GUF1: variants seen among roughly 807,000 people sequenced by gnomAD.
GUF1 encodes the protein translation factor GUF1, mitochondrial.
GUF1 carries 78 observed loss-of-function variants against 82.4 expected under a neutral mutation model. That is an observed-to-expected ratio of 0.95 (90% confidence interval 0.79 to 1.14). The LOEUF (loss-of-function observed/expected upper bound fraction) is 1.14, where lower values mean the gene tolerates loss of function less well. Among genes scored for constraint, GUF1 ranks in the 50% most tolerant of loss-of-function variants. The probability of loss-of-function intolerance (pLI) is 0.00; values close to 1 mark genes in which losing one functional copy is unlikely to be tolerated. For missense variants in GUF1, 814 were observed against 798.2 expected (o/e 1.02, Z -0.24); for synonymous variants, 279 against 282.3 (o/e 0.99, Z 0.12).
chr4:44,698,599 A>G lies in GUF1; in HGVS notation c.1928A>G (p.Lys643Arg). The stretch of plus-strand genomic sequence containing the variant: ...CTTTTGAAGAGACAAGCAGAAGGGA[A>G]AAAAAAGCTGAGGAAAATTGGCAAC... ...MKLLKRQAEG[K>R]KKLRKIGNVE... The change falls in exon 17 of 17, where the codon AAA (lysine) becomes AGA (arginine). Residue 643 changes from lysine to arginine, a missense_variant. Physicochemically the swap from Lys to Arg is conservative, Grantham distance 26 (BLOSUM62 2). Transcript: ENST00000281543. 6.2e-7 allele frequency: 1 copy of G among 1,611,150 alleles called. No individual in the cohort carries two copies. Among genetic ancestry groups the G allele is most frequent in the South Asian group, 1.1e-5 (1 of 90,126 alleles).
chr4:44,692,970 C>T (rs1262655796), intron 13 of GUF1, among the ~76,000 whole-genome samples: 1 of 151,660 alleles, frequency 6.6e-6, no homozygotes, highest in African/African-American at 2.4e-5. Flanking sequence ...AAAGCCTTGT[C>T]GTTTGGAAAC....
chr4:44,682,502 G>T, intron 5 of GUF1, 91 bp downstream of exon 5: 2 of 589,454 alleles, frequency 3.4e-6, no homozygotes, highest in Non-Finnish European at 2.8e-6. Flanking sequence ...TTATATGAGG[G>T]ATCACCAGCT....
At chr4:44,680,882 A>G (rs771882928) in intron 3 of GUF1, 40 bp downstream of exon 3, 133 of 1,523,644 alleles carry the variant, frequency 8.7e-5, no homozygotes, top group Non-Finnish European at 1.1e-4. Flanking sequence ...GTTAAAGTCA[A>G]CATTGTGTCA....
rs565950469 is a variant in GUF1 at position 44,682,301 on chromosome 4, T to A, written c.508-33T>A. The stretch of plus-strand genomic sequence containing the variant: ...AGTTTTGTGATATATAATAGAATGG[T>A]CATCTCAGTATCTTGTATCTTGATA... On this transcript the variant is annotated intron_variant, in intron 4 of 16. Transcript: ENST00000281543. 3 of 1,205,614 alleles carry A rather than the reference T, an allele frequency of 2.5e-6. No homozygotes were observed. The South Asian group carries it at 5.0e-5, about 20-fold the overall frequency. 74.7% of individuals were successfully genotyped at this position (1,205,614 alleles called of 1,614,324 possible).
intron 6 of GUF1, among the ~76,000 whole-genome samples, chr4:44,685,398 G>C (rs928265517): frequency 2.6e-5 from 4 of 152,082 alleles, no homozygotes; most frequent in Non-Finnish European, 5.9e-5. Context: ...TAGAGTGAAT[G>C]TGAAGAGTAA....
chr4:44,698,597 GA>G lies in GUF1; in HGVS notation c.1934del (p.Lys645SerfsTer2), dbSNP rs770418349. Reference protein sequence around the residue: ...MKLLKRQAEGKKKLRKIGNVE... With the variant: ...MKLLKRQAEGXKKLRKIGNVE... ...AGCTTTTGAAGAGACAAGCAGAAGGGAAAAAAAAGCTGAGGAAAATTGGCAA... is the reference window on the plus strand; with the variant it reads ...AGCTTTTGAAGAGACAAGCAGAAGGGAAAAAAAGCTGAGGAAAATTGGCAA... On this transcript the variant is annotated frameshift_variant, in exon 17 of 17. Transcript: ENST00000281543. LOFTEE classifies it high-confidence loss of function. 6 of 1,607,096 alleles carry G rather than the reference GA, an allele frequency of 3.7e-6. No homozygotes were observed. Among genetic ancestry groups the G allele is most frequent in the South Asian group, 2.2e-5 (2 of 89,708 alleles).
intron 15 of GUF1, among the ~76,000 whole-genome samples, chr4:44,696,263 A>G (rs2109669057): frequency 6.6e-6 from 1 of 152,256 alleles, no homozygotes. Flanking sequence ...AGACAGGCTA[A>G]TTTGTGTCGG....
intron 6 of GUF1, among the ~76,000 whole-genome samples, chr4:44,684,237 T>G (rs1714926853): frequency 6.8e-6 from 1 of 147,052 alleles, no homozygotes; most frequent in Non-Finnish European, 1.5e-5. Flanking sequence ...TGAAAAGTCT[T>G]TTTTCTTAGA....
At chr4:44,697,941 TC>T in intron 16 of GUF1, among the ~76,000 whole-genome samples, 1 of 152,068 alleles carries the variant, frequency 6.6e-6, no homozygotes. Context: ...GGCTAGGAGT[TC>T]CGAGACCAGC....
Position 44,698,623 on chromosome 4 carries a change from A to G in GUF1, c.1952A>G (p.Asn651Ser). The G allele has an allele frequency of 6.2e-7, 1 of 1,610,526 alleles. No homozygotes were observed. The highest frequency in any genetic ancestry group is 8.5e-7 in the Non-Finnish European group (1 of 1,178,870). The change falls in exon 17 of 17, where the codon AAC (asparagine) becomes AGC (serine). Residue 651 changes from asparagine to serine, a missense_variant. Coordinates refer to ENST00000281543, the MANE Select transcript of GUF1 (RefSeq NM_021927.3). ...AAAAAAAAGCTGAGGAAAATTGGCA[A>G]CGTTGAAGTTCCAAAAGATGCTTTT... ...EGKKKLRKIG[N>S]VEVPKDAFIK...
chr4:44,682,527 TTGG>T lies in GUF1; in HGVS notation c.585+120_585+122del, dbSNP rs1207731605. ...GATCACCAGCTATTTATTAAATATA[TTGG>T]TGGGATTTATCTCTTTGAATTGTAT... On this transcript the variant is annotated intron_variant, in intron 5 of 16. Coordinates refer to ENST00000281543, the MANE Select transcript of GUF1 (RefSeq NM_021927.3). The T allele has an allele frequency of 2.3e-5, 12 of 514,420 alleles. 1 individual carries two copies. Among genetic ancestry groups the T allele is most frequent in the Non-Finnish European group, 3.7e-5 (11 of 294,920 alleles). The allele number at this position is 514,420 out of a possible 1,614,324, so 31.9% of individuals were successfully genotyped here.
At chr4:44,688,859 A>AT (rs1715233892) in intron 9 of GUF1, among the ~76,000 whole-genome samples, 2 of 151,992 alleles carry the variant, frequency 1.3e-5, no homozygotes, top group South Asian at 4.1e-4. Context: ...TTTTAAGTAG[A>AT]TAATCTGCCT....
chr4:44,681,059 G>A, intron 3 of GUF1, 64 bp from the exon 4 acceptor site: 1 of 1,366,100 alleles, frequency 7.3e-7, no homozygotes, highest in Non-Finnish European at 1.0e-6. Flanking sequence ...CAATAAATTT[G>A]CCATAATGCT....
chr4:44,686,750 G>A (rs1715081594), intron 8 of GUF1, 37 bp downstream of exon 8: 1 of 1,341,910 alleles, frequency 7.5e-7, no homozygotes, highest in African/African-American at 1.4e-5. Context: ...AAATGCATTT[G>A]TATGTGGTTC....
intron 14 of GUF1, among the ~76,000 whole-genome samples, chr4:44,695,111 T>TA (rs948491151): frequency 1.3e-4 from 20 of 152,154 alleles, no homozygotes; most frequent in African/African-American, 4.3e-4. Context: ...TTTATATTTG[T>TA]AAAAAAATTA....
rs368261691 is a variant in GUF1, at chr4:44,683,694, G to A, written c.669+376G>A. 3.0e-4 allele frequency among the ~76,000 whole-genome samples: 46 copies of A among 152,084 alleles called. 2 individuals are homozygous for A. The South Asian group carries it at 9.3e-3, about 31-fold the overall frequency. On this transcript the variant is annotated intron_variant, in intron 6 of 16. Coordinates refer to ENST00000281543, the MANE Select transcript of GUF1 (RefSeq NM_021927.3). ...AAGAGCAGGTTCAAACTAATTTCAG[G>A]GCTTTTGTATGTATCATTCTTGGAA...
chr4:44,683,320 T>TA lies in GUF1; in HGVS notation c.669+6dup. On this transcript the variant is annotated splice_region_variant and intron_variant, in intron 6 of 16. Transcript: ENST00000281543. ...ATTCCAAGTGATGAATGTATTAAGGTAAAATACGTTCCTAAAAAGATTATA... is the reference window on the plus strand; with the variant it reads ...ATTCCAAGTGATGAATGTATTAAGGTAAAAATACGTTCCTAAAAAGATTATA... 1 of 1,492,524 alleles carries TA rather than the reference T, an allele frequency of 6.7e-7. No homozygotes were observed. The highest frequency in any genetic ancestry group is 9.1e-7 in the Non-Finnish European group (1 of 1,098,280). The allele number at this position is 1,492,524 out of a possible 1,614,324, so 92.5% of individuals were successfully genotyped here.
Position 44,686,721 on chromosome 4 carries a change from A to G in GUF1, c.938+8A>G, listed in dbSNP as rs368845641. ...GCAGCCAACTCATAAATTGTAAGTAATCTGCATTAGTAAAATTAAAATGCA... is the reference window on the plus strand; with the variant it reads ...GCAGCCAACTCATAAATTGTAAGTAGTCTGCATTAGTAAAATTAAAATGCA... On this transcript the variant is annotated splice_region_variant and intron_variant, in intron 8 of 16. Coordinates refer to ENST00000281543, the MANE Select transcript of GUF1 (RefSeq NM_021927.3). 3.3e-5 allele frequency: 52 copies of G among 1,557,764 alleles called. No homozygotes were observed. The African/African-American group carries it at 5.8e-4, about 17-fold the overall frequency.
rs976143386 is a variant in GUF1, at chr4:44,678,422, A to G, written c.-201A>G. On this transcript the variant is annotated 5_prime_UTR_variant, in exon 1 of 17. Transcript: ENST00000281543. ...TGTCACGACAGCGTGCGGCGTGCAG[A>G]CGTCGGCAAGCTGCGCCGCCGCTTC... 13 of 477,566 alleles carry G rather than the reference A, an allele frequency of 2.7e-5. No individual in the cohort carries two copies. In the South Asian group the frequency reaches 5.4e-4, roughly 20 times the overall value. 29.6% of individuals were successfully genotyped at this position (477,566 alleles called of 1,614,324 possible).
Sources: gnomAD v4.1 joint callset for allele counts (sites outside exome capture counted in the v4.1 genomes callset) on GRCh38, gnomAD v4.1.1 for gene constraint, MANE v1.5 for transcripts, NCBI Gene and HGNC (gene_info 2026-07-23, HGNC 2026-07-21) for gene names.